The following TNRC6A variants were observed in gnomAD, a reference collection of about 807,000 sequenced individuals.
TNRC6A encodes trinucleotide repeat-containing gene 6A protein.
A neutral mutation model predicts 221.2 loss-of-function variants in TNRC6A; 44 were observed. The observed-to-expected ratio is 0.20, with a 90% CI of 0.16 to 0.26. TNRC6A has a LOEUF of 0.26. TNRC6A is among the 10% of genes least tolerant of loss of function. The pLI is 1.00. For missense variants in TNRC6A, 2,199 were observed against 2,404.4 expected (o/e 0.91, Z 1.79); for synonymous variants, 847 against 838.5 (o/e 1.01, Z -0.18).
chr16:24,672,765 C>T (rs188331442), intron 2 of TNRC6A, among the ~76,000 whole-genome samples: 1 of 108,460 alleles, frequency 9.2e-6, no homozygotes. Flanking sequence ...TTAGATGATA[C>T]AGGCTGAAGT....
chr16:24,731,378 G>A (rs1470443856), intron 2 of TNRC6A, among the ~76,000 whole-genome samples: 1 of 152,138 alleles, frequency 6.6e-6, no homozygotes, highest in Non-Finnish European at 1.5e-5. Flanking sequence ...GGCCTATTGA[G>A]TTTCATAAGA....
intron 15 of TNRC6A, among the ~76,000 whole-genome samples, 170 bp downstream of exon 15, chr16:24,805,903 G>A (rs1176013562): frequency 6.6e-6 from 1 of 152,240 alleles, no homozygotes; most frequent in Non-Finnish European, 1.5e-5. Context: ...TGTGAAGAAT[G>A]TCTTGAAGAA....
In TNRC6A at chr16:24,818,716, G is replaced by A. The variant is rs774799751; in HGVS notation, c.5080+16G>A. Reference sequence around the variant, plus strand: ...AGCACTTCAGGTGGGCCTCGCCTTCGCTCAGGAAGGGAGGGTTGGTCACAG... The same window carrying A: ...AGCACTTCAGGTGGGCCTCGCCTTCACTCAGGAAGGGAGGGTTGGTCACAG... On this transcript the variant is annotated intron_variant, in intron 21 of 24. Transcript: ENST00000395799. 48 of 1,596,294 alleles carry A rather than the reference G, an allele frequency of 3.0e-5. 1 individual carries two copies. The highest frequency in any genetic ancestry group is 5.0e-5 in the Admixed American group (3 of 59,962).
At chr16:24,735,554 CAATTAGGTGGT>C (rs1240035011) in intron 2 of TNRC6A, among the ~76,000 whole-genome samples, 1 of 152,038 alleles carries the variant, frequency 6.6e-6, no homozygotes, top group Non-Finnish European at 1.5e-5. Context: ...CTTAATTTGG[CAATTAGGTGGT>C]AAATCACTTG....
chr16:24,784,001 G>T (rs944227078), intron 5 of TNRC6A, among the ~76,000 whole-genome samples: 5 of 152,072 alleles, frequency 3.3e-5, no homozygotes, highest in Non-Finnish European at 4.4e-5. Flanking sequence ...TTTTGTTTTT[G>T]TTGTTGTTGT....
chr16:24,750,248 A>T (rs1209918260), intron 2 of TNRC6A, among the ~76,000 whole-genome samples: 1 of 152,236 alleles, frequency 6.6e-6, no homozygotes, highest in African/African-American at 2.4e-5. Flanking sequence ...CCTATTTATT[A>T]ATAAGTTATA....
intron 2 of TNRC6A, among the ~76,000 whole-genome samples, chr16:24,747,810 A>G (rs200528): frequency 0.82 from 125,089 of 152,162 alleles, 51,530 homozygotes; most frequent in East Asian, 0.89. Flanking sequence ...TAAGTACTAA[A>G]GGGGATATTT....
Position 24,790,619 on chromosome 16 carries a change from A to T in TNRC6A, c.1977A>T (p.Gln659His), listed in dbSNP as rs747807488. The change falls in exon 6 of 25, where the codon CAA becomes CAT. Residue 659 changes from glutamine to histidine, a missense_variant. Gln to His is a conservative substitution (Grantham distance 24, BLOSUM62 0). Coordinates refer to ENST00000395799, the MANE Select transcript of TNRC6A (RefSeq NM_014494.4). ...CTGCCACATCTCAGACAAATGAGCA[A>T]AGCAGTGTGTGGGCCAAAACAGGAG... is the stretch of plus-strand genomic sequence containing the variant. ...QGSATSQTNE[Q>H]SSVWAKTGGT... The T allele has an allele frequency of 4.3e-6, 7 of 1,614,118 alleles. No individual in the cohort carries two copies. The highest frequency in any genetic ancestry group is 1.7e-5 in the Admixed American group (1 of 60,010).
intron 2 of TNRC6A, among the ~76,000 whole-genome samples, chr16:24,745,721 A>C (rs2056991360): frequency 6.6e-6 from 1 of 151,480 alleles, no homozygotes; most frequent in Non-Finnish European, 1.5e-5. Context: ...AGCTCACTGC[A>C]GCCTCCAACT....
chr16:24,812,019 A>ATTTT (rs71156440), intron 18 of TNRC6A, among the ~76,000 whole-genome samples: 2 of 40,854 alleles, frequency 4.9e-5, no homozygotes, highest in African/African-American at 9.9e-5. Context: ...TCACTTTGGG[A>ATTTT]TTTTTTTTTT....
chr16:24,796,828 TGTCTACC>T (rs2058229401), intron 9 of TNRC6A, among the ~76,000 whole-genome samples: 1 of 152,156 alleles, frequency 6.6e-6, no homozygotes, highest in South Asian at 2.1e-4. Flanking sequence ...CCAGCCTCCT[TGTCTACC>T]AGACTGCTGA....
intron 2 of TNRC6A, among the ~76,000 whole-genome samples, chr16:24,731,959 G>A (rs1355990330): frequency 2.0e-5 from 3 of 152,202 alleles, no homozygotes; most frequent in African/African-American, 7.2e-5. Context: ...TGCTGTCCGT[G>A]TTCACAGAGG....
In TNRC6A at chr16:24,694,530, C is replaced by T. The variant is rs1458167387; in HGVS notation, n.402+53521C>T. On this transcript the variant is annotated intron_variant and non_coding_transcript_variant, in intron 2 of 2. Transcript: ENST00000566108. ...ATTAGCTGGGTGTGGCAGCTTGTGC[C>T]TGTAGTCCCAGCTACTCAGGAGGCT... 4.0e-5 allele frequency among the ~76,000 whole-genome samples: 6 copies of T among 151,864 alleles called. No homozygotes were observed. In the East Asian group the frequency reaches 1.2e-3, roughly 29 times the overall value.
intron 2 of TNRC6A, among the ~76,000 whole-genome samples, chr16:24,712,333 G>C (rs2056220727): frequency 1.3e-5 from 2 of 152,112 alleles, no homozygotes; most frequent in African/African-American, 4.8e-5. Context: ...TTATTTTGCT[G>C]GTTGGGGTGG....
intron 2 of TNRC6A, among the ~76,000 whole-genome samples, chr16:24,722,441 ATTTATTTATTTT>A (rs1567387961): frequency 6.7e-6 from 1 of 150,014 alleles, no homozygotes; most frequent in East Asian, 2.1e-4. Flanking sequence ...TTATTTATTT[ATTTATTTATTTT>A]GAAACAGAGT....
At chr16:24,680,630 T>A in intron 2 of TNRC6A, among the ~76,000 whole-genome samples, 1 of 148,944 alleles carries the variant, frequency 6.7e-6, no homozygotes, top group African/African-American at 2.5e-5. Context: ...GGCGGAAGAA[T>A]CACTTGAACC....
At position 24,789,541 on chromosome 16, in the gene TNRC6A, G is replaced by A; in HGVS notation, c.899G>A (p.Ser300Asn). The part of the protein sequence containing the change: ...GSQNKFVVGS[S>N]SNNVGHGSST... ...CAAAACAAGTTTGTAGTTGGTAGCA[G>A]CAGCAATAATGTGGGCCATGGAAGT... Residue 300 changes from serine to asparagine, a missense_variant, in exon 6 of 25, where the codon AGC (serine) becomes AAC (asparagine). This residue lies in a region of TNRC6A where 1,405 missense variants were observed against 1,400.2 expected (regional missense o/e 1.00). Transcript: ENST00000395799. 1.2e-6 allele frequency: 2 copies of A among 1,614,162 alleles called. No individual in the cohort carries two copies. The highest frequency in any genetic ancestry group is 1.7e-6 in the Non-Finnish European group (2 of 1,180,026).
chr16:24,746,183 G>A (rs1379401795), intron 2 of TNRC6A, among the ~76,000 whole-genome samples: 1 of 152,132 alleles, frequency 6.6e-6, no homozygotes, highest in Non-Finnish European at 1.5e-5. Flanking sequence ...TTTACAACCT[G>A]TACCAAATGT....
At chr16:24,788,584 A>G (rs1414493454) in intron 5 of TNRC6A, among the ~76,000 whole-genome samples, 1 of 151,626 alleles carries the variant, frequency 6.6e-6, no homozygotes, top group African/African-American at 2.4e-5. Flanking sequence ...TCAGGCTTCT[A>G]TGCCTGGGTT....
Sources: gnomAD v4.1 joint callset for allele counts (sites outside exome capture counted in the v4.1 genomes callset) on GRCh38, gnomAD v4.1.1 for gene constraint, gnomAD v4.1.1 regional missense constraint, MANE v1.5 for transcripts, NCBI Gene and HGNC (gene_info 2026-07-23, HGNC 2026-07-21) for gene names.